The following PRKCH variants were observed in gnomAD, a reference collection of about 807,000 sequenced individuals.
The protein encoded by PRKCH is protein kinase C eta, also known as protein kinase C eta type.
A neutral mutation model predicts 82.5 loss-of-function variants in PRKCH; 28 were observed. That is an observed-to-expected ratio of 0.34 (90% CI 0.25 to 0.47). The LOEUF (loss-of-function observed/expected upper bound fraction) is 0.47. PRKCH is among the 20% of genes least tolerant of loss of function. The probability of loss-of-function intolerance (pLI) is 1.00; values close to 1 mark genes in which losing one functional copy is unlikely to be tolerated. For synonymous variants in PRKCH, 322 were observed against 327.4 expected, an observed-to-expected ratio of 0.98 and a Z score of 0.18; for missense variants, 705 against 881.8, an observed-to-expected ratio of 0.80 and a Z score of 2.54.
intron 1 of PRKCH, among the ~76,000 whole-genome samples, chr14:61,315,779 G>A (rs1011191446): frequency 2.9e-5 from 4 of 138,412 alleles, no homozygotes; most frequent in Admixed American, 1.5e-4. Context: ...AGACGGAGTC[G>A]CTCTGTCACC....
In PRKCH at chr14:61,355,055, G is replaced by A. The variant is rs1001759994; in HGVS notation, c.363+32591G>A. Among the ~76,000 whole-genome samples the A allele has an allele frequency of 7.2e-5, 11 of 152,276 alleles. No homozygotes were observed. In the East Asian group the frequency reaches 1.2e-3, roughly 16 times the overall value. On this transcript the variant is annotated intron_variant, in intron 1 of 13. Transcript: ENST00000332981. ...AAAAATGGATTCAATGGATAATTTC[G>A]ATGATGTGTAAGTGCTTTATAGAAA...
chr14:61,384,583 TA>T (rs779123471), intron 1 of PRKCH, among the ~76,000 whole-genome samples: 1 of 151,864 alleles, frequency 6.6e-6, no homozygotes, highest in Non-Finnish European at 1.5e-5. Context: ...ATGTGGGAGA[TA>T]GGGGATAAGT....
chr14:61,252,073 C>G (rs546811689), intron 1 of PRKCH, among the ~76,000 whole-genome samples: 1 of 152,096 alleles, frequency 6.6e-6, no homozygotes, highest in Non-Finnish European at 1.5e-5. Context: ...CTCCTGACCT[C>G]GTGATCTGCC....
intron 13 of PRKCH, among the ~76,000 whole-genome samples, chr14:61,548,745 C>A (rs1385510793): frequency 6.6e-6 from 1 of 151,538 alleles, no homozygotes. Flanking sequence ...CACCTCTAAT[C>A]CCTGCTACTC....
At chr14:61,479,527 C>G (rs1885875355) in intron 9 of PRKCH, among the ~76,000 whole-genome samples, 1 of 152,198 alleles carries the variant, frequency 6.6e-6, no homozygotes, top group South Asian at 2.1e-4. Flanking sequence ...TCTCCAGTCA[C>G]TTTCCTTAGT....
intron 1 of PRKCH, among the ~76,000 whole-genome samples, chr14:61,210,754 T>TTCTC (rs57385240): frequency 0.044 from 6,312 of 144,254 alleles, 156 homozygotes; most frequent in Middle Eastern, 0.097. Flanking sequence ...CAAGAGTCCT[T>TTCTC]TCTCTCTCTC....
At chr14:61,307,180 C>T (rs1328564872) in intron 1 of PRKCH, 1 of 152,158 alleles carries the variant, frequency 6.6e-6, no homozygotes, top group Non-Finnish European at 1.5e-5. Context: ...AGGAAAATCG[C>T]TTGAGGCTAG....
intron 9 of PRKCH, among the ~76,000 whole-genome samples, chr14:61,467,122 G>A (rs1056230051): frequency 6.6e-6 from 1 of 152,174 alleles, no homozygotes; most frequent in Non-Finnish European, 1.5e-5. Context: ...AGGCAGCAAG[G>A]TAGTCATGTG....
At chr14:61,255,090 A>G (rs1168305927) in intron 1 of PRKCH, among the ~76,000 whole-genome samples, 1 of 152,222 alleles carries the variant, frequency 6.6e-6, no homozygotes, top group Non-Finnish European at 1.5e-5. Flanking sequence ...CTGCGCTATC[A>G]GGATTAGGGC....
chr14:61,322,626 C>T, intron 1 of PRKCH, 162 bp downstream of exon 1: 3 of 993,054 alleles, frequency 3.0e-6, no homozygotes, highest in East Asian at 5.3e-5. Flanking sequence ...GTGACGCGAC[C>T]GCGGTGGGTG....
At chr14:61,363,430 G>A (rs2046256439) in intron 1 of PRKCH, among the ~76,000 whole-genome samples, 1 of 152,114 alleles carries the variant, frequency 6.6e-6, no homozygotes, top group Non-Finnish European at 1.5e-5. Flanking sequence ...AGGAGAAGAT[G>A]GGTTTGAGAA....
At chr14:61,276,468 G>A (rs1222915396) in intron 1 of PRKCH, among the ~76,000 whole-genome samples, 1 of 151,612 alleles carries the variant, frequency 6.6e-6, no homozygotes, top group East Asian at 1.9e-4. Flanking sequence ...CAATTCTCCT[G>A]CCTCACCCTC....
intron 2 of PRKCH, among the ~76,000 whole-genome samples, chr14:61,410,411 C>T (rs1310391659): frequency 6.6e-6 from 1 of 152,132 alleles, no homozygotes; most frequent in Admixed American, 6.5e-5. Context: ...TCCATGCTGC[C>T]TGCCTGTAGG....
intron 12 of PRKCH, among the ~76,000 whole-genome samples, chr14:61,535,928 A>G (rs1423825993): frequency 6.6e-6 from 1 of 152,264 alleles, no homozygotes; most frequent in African/African-American, 2.4e-5. Context: ...AAATTTCCAC[A>G]TGGAAAAGTT....
chr14:61,270,885 G>A (rs118000791), intron 1 of PRKCH, among the ~76,000 whole-genome samples: 1,815 of 152,244 alleles, frequency 0.012, 23 homozygotes, highest in Non-Finnish European at 0.019. Flanking sequence ...GAGGTGGGAG[G>A]ATCACTTGGG....
chr14:61,515,850 TTTC>T (rs1474320113), intron 10 of PRKCH, among the ~76,000 whole-genome samples: 3 of 152,232 alleles, frequency 2.0e-5, no homozygotes, highest in African/African-American at 7.2e-5. Flanking sequence ...AGATATTATC[TTTC>T]TTGTTGATGA....
At chr14:61,438,518 A>G (rs1381427723) in intron 2 of PRKCH, among the ~76,000 whole-genome samples, 1 of 152,228 alleles carries the variant, frequency 6.6e-6, no homozygotes, top group African/African-American at 2.4e-5. Context: ...ACTTTCAAAT[A>G]TATATTTCTG....
At chr14:61,484,669 C>T (rs1008431492) in intron 9 of PRKCH, among the ~76,000 whole-genome samples, 2 of 151,670 alleles carry the variant, frequency 1.3e-5, no homozygotes, top group Admixed American at 6.6e-5. Flanking sequence ...GATGGCATCT[C>T]GCTCATTTCT....
intron 1 of PRKCH, among the ~76,000 whole-genome samples, chr14:61,253,264 G>A (rs991248238): frequency 5.9e-5 from 9 of 152,188 alleles, no homozygotes; most frequent in Admixed American, 3.9e-4. Flanking sequence ...CCTAATAGCT[G>A]GACTGTTTCT....
Sources: gnomAD v4.1 joint callset for allele counts (sites outside exome capture counted in the v4.1 genomes callset) on GRCh38, gnomAD v4.1.1 for gene constraint, MANE v1.5 for transcripts, NCBI Gene and HGNC (gene_info 2026-07-23, HGNC 2026-07-21) for gene names.